Variants in SMARCE1 observed in about 807,000 individuals in gnomAD.
The protein encoded by SMARCE1 is SWI/SNF related BAF chromatin remodeling complex subunit E1.
In SMARCE1, 13 loss-of-function variants were observed where a neutral mutation model predicts 54.9. The ratio of observed to expected loss-of-function variants is 0.24; its 90% confidence interval spans 0.15 to 0.38. The LOEUF is 0.38. Ranked by LOEUF, SMARCE1 falls within the 10% of genes least tolerant of loss-of-function variation. The pLI is 1.00. For missense variants in SMARCE1, 295 were observed against 523.8 expected, an observed-to-expected ratio of 0.56 and a Z score of 4.26; for synonymous variants, 151 against 175.3, an observed-to-expected ratio of 0.86 and a Z score of 1.10.
At position 40,642,562 on chromosome 17, in the gene SMARCE1, G is replaced by A; in HGVS notation, c.52-3C>T. The A allele has an allele frequency of 6.4e-7, 1 of 1,563,986 alleles. No individual in the cohort carries two copies. ...AACCCTGGTGTGCTGGGCATTTGCT[G>A]ATGGAAACAAATGAGACAAAAACAC... is the stretch of plus-strand genomic sequence containing the variant. On this transcript the variant is annotated splice_polypyrimidine_tract_variant and splice_region_variant and intron_variant, in intron 3 of 10. Transcript: ENST00000348513. The surrounding 1 kb of genome is among the most constrained non-coding windows in gnomAD (Gnocchi z 4.6).
At chr17:40,631,972 C>G (rs1480354038) in intron 8 of SMARCE1, 1 of 545,762 alleles carries the variant, frequency 1.8e-6, no homozygotes, top group East Asian at 2.9e-5. Flanking sequence ...ACACGTATTT[C>G]TTAACGAATA....
At chr17:40,631,532 G>T in intron 9 of SMARCE1, 60 bp downstream of exon 9, 1 of 863,768 alleles carries the variant, frequency 1.2e-6, no homozygotes, top group Non-Finnish European at 1.9e-6. Flanking sequence ...AAAAAAGAAT[G>T]AGGAAAAATA....
intron 5 of SMARCE1, chr17:40,636,767 A>G (rs534119160): frequency 5.8e-6 from 2 of 347,218 alleles, no homozygotes; most frequent in South Asian, 9.7e-5. Context: ...AAATACTTCA[A>G]TTTGATAAGC....
chr17:40,630,095 A>C, intron 10 of SMARCE1: 1 of 645,910 alleles, frequency 1.5e-6, no homozygotes, highest in East Asian at 2.7e-5. Flanking sequence ...TGTACTAGGC[A>C]GTGTTAAAAC....
At chr17:40,633,978 T>C (rs1160541390) in intron 7 of SMARCE1, 1 of 152,276 alleles carries the variant, frequency 6.6e-6, no homozygotes, top group East Asian at 1.9e-4. Context: ...TTTGGGCTTG[T>C]TCTTCTTTGC....
chr17:40,637,143 T>G (rs1451895745), intron 5 of SMARCE1: 1 of 235,194 alleles, frequency 4.3e-6, no homozygotes, highest in Non-Finnish European at 8.5e-6. Flanking sequence ...AACTAACATG[T>G]GGTTGCTATT....
intron 3 of SMARCE1, 61 bp downstream of exon 3, chr17:40,645,515 T>C: frequency 3.0e-6 from 3 of 1,012,164 alleles, no homozygotes; most frequent in Non-Finnish European, 4.4e-6. Flanking sequence ...CTGGAAGACA[T>C]CTGGGTTTTT....
At chr17:40,635,230 A>T (rs1297827294) in intron 7 of SMARCE1, 1 of 151,334 alleles carries the variant, frequency 6.6e-6, no homozygotes, top group Non-Finnish European at 1.5e-5. Context: ...TCATAGCAGT[A>T]TACAGAGAAA....
chr17:40,633,205 T>C (rs1169413869), intron 7 of SMARCE1: 1 of 152,198 alleles, frequency 6.6e-6, no homozygotes, highest in African/African-American at 2.4e-5. Flanking sequence ...AGATGGGATT[T>C]CACCATGTTG....
rs548113053 is a variant in SMARCE1 at position 40,639,571 on chromosome 17, C to G, written c.157-1999G>C. Among the ~76,000 whole-genome samples the G allele has an allele frequency of 2.0e-5, 3 of 152,232 alleles. No individual in the cohort carries two copies. The South Asian group carries it at 6.2e-4, about 32-fold the overall frequency. The stretch of plus-strand genomic sequence containing the variant: ...ATGGAATTGCTATTTCCCCTCCTTT[C>G]TCCCAAAGAAAGGTACACAAATCAT... On this transcript the variant is annotated intron_variant, in intron 4 of 10. Coordinates refer to ENST00000348513, the MANE Select transcript of SMARCE1 (RefSeq NM_003079.5).
At position 40,642,361 on chromosome 17, in the gene SMARCE1, T is replaced by C; in HGVS notation, c.156+94A>G. 1.2e-6 allele frequency: 1 copy of C among 859,474 alleles called. No individual in the cohort carries two copies. Among genetic ancestry groups the C allele is most frequent in the South Asian group, 1.3e-5 (1 of 74,878 alleles). 53.2% of individuals were successfully genotyped at this position (859,474 alleles called of 1,614,324 possible). A position where few individuals can be genotyped will look rare whatever the true frequency, so the allele number is the denominator to read the frequency against. On this transcript the variant is annotated intron_variant, in intron 4 of 10. Transcript: ENST00000348513. The surrounding 1 kb of genome is among the most constrained non-coding windows in gnomAD (Gnocchi z 4.6). ...GCTAGGTTAAAAAATTTTTTTTAAA[T>C]GGCTGTGCTTATGATTCAAAAAGAC... is the stretch of plus-strand genomic sequence containing the variant.
intron 3 of SMARCE1, 60 bp downstream of exon 3, chr17:40,645,516 C>A: frequency 9.6e-7 from 1 of 1,041,576 alleles, no homozygotes; most frequent in Non-Finnish European, 1.4e-6. Context: ...TGGAAGACAT[C>A]TGGGTTTTTG....
At chr17:40,634,669 G>A (rs1245082993) in intron 7 of SMARCE1, 1 of 152,174 alleles carries the variant, frequency 6.6e-6, no homozygotes, top group Non-Finnish European at 1.5e-5. Context: ...ATAGGCCCAA[G>A]TTTCAGACTG....
chr17:40,630,985 A>T (rs911298653), intron 9 of SMARCE1, 61 bp from the exon 10 acceptor site: 24 of 1,423,244 alleles, frequency 1.7e-5, no homozygotes, highest in Non-Finnish European at 2.2e-5. Context: ...AGCCAGATAT[A>T]TTCTTTCAAA....
In SMARCE1 at chr17:40,630,805, C is replaced by T. The variant is rs576652667; in HGVS notation, c.936G>A (p.Glu312=). ...CAGGAACGATGCTGCTCTGACTGCG[C>T]TCAGCTTGCTCTGCGGCCTCCTTCT... ...EREKEAAEQA[E]RSQSSIVPEE... The change falls in exon 10 of 11, where the codon GAG becomes GAA. Residue 312 remains glutamate, a synonymous_variant. Transcript: ENST00000348513. 2 of 1,614,134 alleles carry T rather than the reference C, an allele frequency of 1.2e-6. No homozygotes were observed. The highest frequency in any genetic ancestry group is 2.2e-5 in the East Asian group (1 of 44,880).
chr17:40,630,051 C>T (rs2143983090), intron 10 of SMARCE1: 1 of 458,482 alleles, frequency 2.2e-6, no homozygotes, highest in Admixed American at 4.0e-5. Flanking sequence ...TTTTGTTTTC[C>T]ATAACTACTT....
At chr17:40,638,039 C>G (rs898250712) in intron 4 of SMARCE1, among the ~76,000 whole-genome samples, 4 of 152,166 alleles carry the variant, frequency 2.6e-5, no homozygotes, top group Admixed American at 2.6e-4. Context: ...ACTCCCAACA[C>G]CACCACAAAA....
At chr17:40,630,972 T>C (rs1171038420) in intron 9 of SMARCE1, 48 bp from the exon 10 acceptor site, 2 of 1,494,478 alleles carry the variant, frequency 1.3e-6, no homozygotes, top group South Asian at 1.2e-5. Flanking sequence ...CTTATAATTT[T>C]TGAGCCAGAT....
At position 40,625,552 on chromosome 17, in the gene SMARCE1, G is replaced by C. The variant is rs954749342; in HGVS notation, c.*3233C>G. On this transcript the variant is annotated 3_prime_UTR_variant, in exon 11 of 11. Transcript: ENST00000348513. ...ACTATTTCTGAAATGAGGACTTAAA[G>C]TATAATACCAGCTTCACTGCCTGTT... 6 of 140,852 alleles carry C rather than the reference G, an allele frequency of 4.3e-5. No individual in the cohort carries two copies. The highest frequency in any genetic ancestry group is 9.1e-5 in the Non-Finnish European group (6 of 65,624). The allele number at this position is 140,852 out of a possible 1,614,324, so 8.7% of individuals were successfully genotyped here. A position where few individuals can be genotyped will look rare whatever the true frequency, so the allele number is the denominator to read the frequency against.
Sources: gnomAD v4.1 joint callset for allele counts (sites outside exome capture counted in the v4.1 genomes callset) on GRCh38, gnomAD v4.1.1 for gene constraint, Gnocchi (gnomAD v3.1) non-coding constraint, MANE v1.5 for transcripts, NCBI Gene and HGNC (gene_info 2026-07-23, HGNC 2026-07-21) for gene names.